The following USP48 variants were observed in gnomAD, a reference collection of about 807,000 sequenced individuals.
USP48 encodes the protein ubiquitin specific peptidase 48.
A neutral mutation model predicts 150.7 loss-of-function variants in USP48; 43 were observed. The observed-to-expected ratio is 0.29, with a 90% CI of 0.22 to 0.37. The LOEUF is 0.37. Among genes scored for constraint, USP48 ranks in the 10% least tolerant of loss-of-function variants. The pLI is 1.00. For missense variants in USP48, 813 were observed against 1,249.6 expected (o/e 0.65, Z 5.27); for synonymous variants, 396 against 425.9 (o/e 0.93, Z 0.86).
chr1:21,684,537 A>G (rs2097575550), intron 25 of USP48, among the ~76,000 whole-genome samples: 1 of 152,190 alleles, frequency 6.6e-6, no homozygotes, highest in Admixed American at 6.5e-5. Flanking sequence ...GCTGTGCAGA[A>G]GCTTTTTAGT....
chr1:21,752,456 TGAAAAA>T, intron 5 of USP48, 65 bp downstream of exon 5: 1 of 1,567,432 alleles, frequency 6.4e-7, no homozygotes, highest in Admixed American at 2.0e-5. Flanking sequence ...GGAACTGCAC[TGAAAAA>T]TAGTTAACAT....
chr1:21,725,619 G>A (rs12753125), intron 11 of USP48, among the ~76,000 whole-genome samples: 7,712 of 151,004 alleles, frequency 0.051, 242 homozygotes, highest in Middle Eastern at 0.058. Context: ...TGGGCATGGC[G>A]GCACACGACT....
chr1:21,714,209 C>T (rs576989378), intron 15 of USP48, among the ~76,000 whole-genome samples: 212 of 152,248 alleles, frequency 1.4e-3, no homozygotes, highest in Non-Finnish European at 2.8e-3. Flanking sequence ...TAACAAGAAA[C>T]ACATGAACAT....
chr1:21,763,331 T>TA (rs2097854418), intron 1 of USP48, among the ~76,000 whole-genome samples: 1 of 152,168 alleles, frequency 6.6e-6, no homozygotes, highest in African/African-American at 2.4e-5. Context: ...AGGCCAAACC[T>TA]ATGGCTCCCG....
At chr1:21,736,829 T>C (rs2097769772) in intron 8 of USP48, among the ~76,000 whole-genome samples, 1 of 152,172 alleles carries the variant, frequency 6.6e-6, no homozygotes, top group Admixed American at 6.5e-5. Context: ...AACAGCACAC[T>C]GTATTAATTC....
chr1:21,740,455 G>C (rs1335741484), intron 8 of USP48, among the ~76,000 whole-genome samples: 2 of 152,168 alleles, frequency 1.3e-5, no homozygotes, highest in Non-Finnish European at 2.9e-5. Flanking sequence ...TTGGGACCTA[G>C]GGGTAAAAAT....
chr1:21,758,185 A>AACAC (rs149088635), intron 1 of USP48, among the ~76,000 whole-genome samples: 33,607 of 141,196 alleles, frequency 0.24, 4,014 homozygotes, highest in East Asian at 0.34. Context: ...GCAACTGTAA[A>AACAC]ACACACACAC....
intron 23 of USP48, among the ~76,000 whole-genome samples, chr1:21,694,705 A>G (rs1002278335): frequency 6.7e-6 from 1 of 148,346 alleles, no homozygotes; most frequent in Middle Eastern, 3.5e-3. Context: ...GCTGCCTTTT[A>G]TCTCCCATTA....
At chr1:21,746,661 G>A (rs775542531) in intron 8 of USP48, among the ~76,000 whole-genome samples, 2 of 152,046 alleles carry the variant, frequency 1.3e-5, no homozygotes, top group Non-Finnish European at 2.9e-5. Context: ...CATAAATACT[G>A]GAATTATGCC....
At chr1:21,772,720 A>G (rs2097885067) in intron 1 of USP48, among the ~76,000 whole-genome samples, 1 of 151,802 alleles carries the variant, frequency 6.6e-6, no homozygotes, top group South Asian at 2.1e-4. Context: ...TCAGGTATTC[A>G]AGACCAGCCT....
At chr1:21,685,338 T>C (rs2097577714) in intron 25 of USP48, among the ~76,000 whole-genome samples, 1 of 151,614 alleles carries the variant, frequency 6.6e-6, no homozygotes, top group Non-Finnish European at 1.5e-5. Flanking sequence ...TCTTTTTTTT[T>C]TTTTTGAGAT....
In USP48 at chr1:21,706,514, T is replaced by C. The variant is rs368720845; in HGVS notation, c.2164A>G (p.Asn722Asp). The change falls in exon 17 of 27, where the codon AAT (asparagine) becomes GAT (aspartate). Residue 722 changes from asparagine to aspartate, a missense_variant. Transcript: ENST00000308271. ...IANEQKTSLP[N>D]LFQDKNRPCL... ...GGTCTGTTTTTATCCTGGAACAAAT[T>C]TGGGAGAGAAGTCTTTTGCTCGTTT... The C allele has an allele frequency of 1.7e-5, 28 of 1,614,032 alleles. No individual in the cohort carries two copies. The highest frequency in any genetic ancestry group is 2.7e-5 in the African/African-American group (2 of 74,900).
chr1:21,756,993 G>T (rs2097837766), intron 2 of USP48: 6 of 985,226 alleles, frequency 6.1e-6, no homozygotes, highest in Non-Finnish European at 7.2e-6. Flanking sequence ...TTCTAGAAAA[G>T]ATCGGTTTTG....
chr1:21,712,604 CA>C, intron 15 of USP48, among the ~76,000 whole-genome samples: 1 of 147,774 alleles, frequency 6.8e-6, no homozygotes, highest in East Asian at 2.0e-4. Context: ...TAACGTAACA[CA>C]AAAACAAAGG....
At chr1:21,682,176 A>AG in intron 25 of USP48, among the ~76,000 whole-genome samples, 1 of 152,178 alleles carries the variant, frequency 6.6e-6, no homozygotes. Context: ...AATATGTTCA[A>AG]GGGGCCATCA....
intron 23 of USP48, among the ~76,000 whole-genome samples, chr1:21,692,712 A>C (rs1427756915): frequency 6.6e-6 from 1 of 152,202 alleles, no homozygotes; most frequent in East Asian, 1.9e-4. Flanking sequence ...GAGTGAGGTC[A>C]AAACAAAGTT....
At chr1:21,690,364 C>T (rs1456633983) in intron 23 of USP48, among the ~76,000 whole-genome samples, 3 of 151,988 alleles carry the variant, frequency 2.0e-5, no homozygotes, top group Admixed American at 1.3e-4. Flanking sequence ...ACCAGCTTCC[C>T]AAGGATGGAG....
At chr1:21,766,058 C>T (rs778035387) in intron 1 of USP48, among the ~76,000 whole-genome samples, 1 of 151,208 alleles carries the variant, frequency 6.6e-6, no homozygotes, top group Non-Finnish European at 1.5e-5. Context: ...TGGAATGATG[C>T]CCAAAATTGT....
At chr1:21,762,348 G>A (rs6667223) in intron 1 of USP48, among the ~76,000 whole-genome samples, 81,259 of 152,004 alleles carry the variant, frequency 0.53, 24,448 homozygotes, top group Admixed American at 0.69. Flanking sequence ...CAGTGACAAG[G>A]ATATACTAGG....
Sources: gnomAD v4.1 joint callset for allele counts (sites outside exome capture counted in the v4.1 genomes callset) on GRCh38, gnomAD v4.1.1 for gene constraint, MANE v1.5 for transcripts, NCBI Gene and HGNC (gene_info 2026-07-23, HGNC 2026-07-21) for gene names.